Variants in MCPH1 observed in about 807,000 individuals in gnomAD.
MCPH1 encodes microcephalin.
MCPH1 carries 104 observed loss-of-function variants against 84.5 expected under a neutral mutation model. That is an observed-to-expected ratio of 1.23 (90% CI 1.05 to 1.45). The LOEUF is 1.45. Ranked by LOEUF, MCPH1 falls within the 40% of genes most tolerant of loss-of-function variation. MCPH1 has a pLI of 0.00. For missense variants in MCPH1, 1,498 were observed against 1,005.7 expected (o/e 1.49, Z -6.62); for synonymous variants, 514 against 366.8 (o/e 1.40, Z -4.58).
intron 12 of MCPH1, among the ~76,000 whole-genome samples, chr8:6,541,615 G>C (rs1821593056): frequency 6.6e-6 from 1 of 152,084 alleles, no homozygotes; most frequent in African/African-American, 2.4e-5. Flanking sequence ...TCTATTTTTT[G>C]GGATACTTTG....
intron 9 of MCPH1, among the ~76,000 whole-genome samples, chr8:6,466,258 T>C (rs1378754431): frequency 6.6e-6 from 1 of 150,378 alleles, no homozygotes; most frequent in East Asian, 2.0e-4. Flanking sequence ...TGCCTCAGCC[T>C]CCTGAGTAGC....
chr8:6,422,632 C>T (rs953718206), intron 3 of MCPH1, among the ~76,000 whole-genome samples: 3 of 152,214 alleles, frequency 2.0e-5, no homozygotes, highest in African/African-American at 7.2e-5. Flanking sequence ...CCCAGCCTTT[C>T]TCAAGGGGCT....
intron 1 of MCPH1, among the ~76,000 whole-genome samples, chr8:6,407,399 C>A (rs1438336227): frequency 6.6e-6 from 1 of 152,086 alleles, no homozygotes. Flanking sequence ...AGGTGACTCT[C>A]CCTGTGTGTG....
chr8:6,442,789 G>A (rs1803713010), intron 7 of MCPH1, among the ~76,000 whole-genome samples: 1 of 152,184 alleles, frequency 6.6e-6, no homozygotes, highest in Non-Finnish European at 1.5e-5. Context: ...AAAGTACTAT[G>A]TTCAAAAGTG....
intron 12 of MCPH1, chr8:6,618,906 C>T (rs1831124557): frequency 6.6e-6 from 1 of 152,198 alleles, no homozygotes; most frequent in Non-Finnish European, 1.5e-5. Flanking sequence ...TTCAGCGTGT[C>T]CCGTGGCCTC....
chr8:6,528,362 G>A (rs1160870375), intron 12 of MCPH1, among the ~76,000 whole-genome samples: 3 of 152,194 alleles, frequency 2.0e-5, no homozygotes, highest in African/African-American at 4.8e-5. Flanking sequence ...TCCCTTTGCC[G>A]AAAACAAAAT....
At chr8:6,504,843 G>T (rs1020165766) in intron 12 of MCPH1, among the ~76,000 whole-genome samples, 3 of 152,190 alleles carry the variant, frequency 2.0e-5, no homozygotes, top group African/African-American at 7.2e-5. Flanking sequence ...TACACATAGG[G>T]TTTGATACTG....
chr8:6,621,756 G>T, intron 13 of MCPH1, 65 bp downstream of exon 13: 1 of 1,608,816 alleles, frequency 6.2e-7, no homozygotes, highest in Non-Finnish European at 8.5e-7. Context: ...TCCAGGGAGG[G>T]CGGCGTCAGG....
intron 13 of MCPH1, chr8:6,622,174 A>G: frequency 4.9e-6 from 1 of 203,434 alleles, no homozygotes; most frequent in Non-Finnish European, 1.0e-5. Flanking sequence ...AAAGACGTCA[A>G]ACGACTCCAT....
intron 12 of MCPH1, among the ~76,000 whole-genome samples, chr8:6,557,577 C>T (rs1824837571): frequency 6.6e-6 from 1 of 151,872 alleles, no homozygotes; most frequent in Admixed American, 6.6e-5. Context: ...CTAGATGGGC[C>T]CTGTTTAATT....
At chr8:6,450,897 C>T (rs553232231) in intron 8 of MCPH1, among the ~76,000 whole-genome samples, 117 of 152,158 alleles carry the variant, frequency 7.7e-4, no homozygotes, top group African/African-American at 2.8e-3. Context: ...CGCAGGCCAC[C>T]ACACTCGGCT....
At chr8:6,536,587 A>G (rs981161377) in intron 12 of MCPH1, among the ~76,000 whole-genome samples, 1 of 152,224 alleles carries the variant, frequency 6.6e-6, no homozygotes, top group Non-Finnish European at 1.5e-5. Context: ...TCCTGACAAA[A>G]GAATCTGTGT....
At chr8:6,442,397 C>G (rs1803651511) in intron 7 of MCPH1, among the ~76,000 whole-genome samples, 2 of 152,060 alleles carry the variant, frequency 1.3e-5, no homozygotes, top group South Asian at 4.2e-4. Context: ...ATCCATTGCT[C>G]TATTTAAAAA....
In MCPH1 at chr8:6,645,300, G is replaced by C. The variant is rs988650202; in HGVS notation, c.*2251G>C. On this transcript the variant is annotated 3_prime_UTR_variant, in exon 14 of 14. Transcript: ENST00000344683. ...ATTTTATGAGGACTGACTGTTGCTA[G>C]ACATTACACTAAGCACATTATATGT... 2 of 152,132 alleles carry C rather than the reference G, an allele frequency of 1.3e-5. No homozygotes were observed. Among genetic ancestry groups the C allele is most frequent in the African/African-American group, 4.8e-5 (2 of 41,428 alleles). 9.4% of individuals were successfully genotyped at this position (152,132 alleles called of 1,614,324 possible).
At chr8:6,477,396 T>G (rs1283262460) in intron 9 of MCPH1, 198 bp from the exon 10 acceptor site, 24 of 581,216 alleles carry the variant, frequency 4.1e-5, no homozygotes, top group Non-Finnish European at 6.7e-5. Context: ...TTGGATTGCT[T>G]TGGGGACAGT....
chr8:6,503,586 C>G (rs1812634681), intron 12 of MCPH1, among the ~76,000 whole-genome samples: 2 of 152,210 alleles, frequency 1.3e-5, no homozygotes, highest in Admixed American at 6.5e-5. Context: ...AAGCAAACAT[C>G]TGAGGCACAG....
At chr8:6,619,287 CAA>C (rs962647375) in intron 12 of MCPH1, 7 of 152,358 alleles carry the variant, frequency 4.6e-5, no homozygotes, top group African/African-American at 1.7e-4. Flanking sequence ...CTTCAACAAT[CAA>C]ATACTTTATT....
At chr8:6,499,609 C>T in intron 11 of MCPH1, 1 of 414,362 alleles carries the variant, frequency 2.4e-6, no homozygotes. Flanking sequence ...AAATATCTGA[C>T]CTCATGAGAA....
intron 12 of MCPH1, among the ~76,000 whole-genome samples, chr8:6,505,081 C>T (rs752446700): frequency 1.4e-5 from 2 of 144,430 alleles, no homozygotes; most frequent in Admixed American, 6.9e-5. Context: ...GTGAATTAAC[C>T]TCGACCCAAG....
Sources: gnomAD v4.1 joint callset for allele counts (sites outside exome capture counted in the v4.1 genomes callset) on GRCh38, gnomAD v4.1.1 for gene constraint, MANE v1.5 for transcripts, NCBI Gene and HGNC (gene_info 2026-07-23, HGNC 2026-07-21) for gene names.